KALRN: variants seen among roughly 807,000 people sequenced by gnomAD.
The protein encoded by KALRN is kalirin RhoGEF kinase.
KALRN carries 70 observed loss-of-function variants against 353.7 expected under a neutral mutation model. The ratio of observed to expected loss-of-function variants is 0.20; its 90% CI spans 0.16 to 0.24. The LOEUF (loss-of-function observed/expected upper bound fraction) is 0.24, where lower values mean the gene tolerates loss of function less well. KALRN is among the 10% of genes least tolerant of loss of function. KALRN has a pLI of 1.00. For missense variants in KALRN, 2,791 were observed against 3,756.7 expected, an observed-to-expected ratio of 0.74 and a Z score of 6.72; for synonymous variants, 1,391 against 1,434.8, an observed-to-expected ratio of 0.97 and a Z score of 0.69.
At chr3:124,656,329 G>A (rs953696246) in intron 39 of KALRN, among the ~76,000 whole-genome samples, 2 of 152,128 alleles carry the variant, frequency 1.3e-5, no homozygotes, top group Admixed American at 6.5e-5. Flanking sequence ...AAAAGTTCTC[G>A]GCCGGGTGCG....
intron 33 of KALRN, among the ~76,000 whole-genome samples, chr3:124,551,580 T>A (rs1432247742): frequency 6.6e-6 from 1 of 152,200 alleles, no homozygotes; most frequent in African/African-American, 2.4e-5. Flanking sequence ...TGTTATTGAC[T>A]GTTGCAGCCA....
intron 1 of KALRN, chr3:124,094,693 T>G: frequency 1.4e-6 from 1 of 700,410 alleles, no homozygotes; most frequent in South Asian, 1.6e-5. Context: ...GTGGGAGGAC[T>G]GGTGGCTGTC....
intron 1 of KALRN, among the ~76,000 whole-genome samples, chr3:124,178,273 C>T (rs1460690401): frequency 6.6e-6 from 1 of 152,190 alleles, no homozygotes; most frequent in Non-Finnish European, 1.5e-5. Flanking sequence ...CTGTTTTATC[C>T]TCTATATTCA....
intron 37 of KALRN, among the ~76,000 whole-genome samples, chr3:124,646,185 C>G (rs1163639542): frequency 6.6e-6 from 1 of 152,040 alleles, no homozygotes; most frequent in Non-Finnish European, 1.5e-5. Context: ...GATCTCTTCC[C>G]AAGTTACATA....
chr3:124,371,789 G>A (rs2085873823), intron 10 of KALRN, among the ~76,000 whole-genome samples: 1 of 152,142 alleles, frequency 6.6e-6, no homozygotes, highest in Non-Finnish European at 1.5e-5. Flanking sequence ...TAGCCTCTAA[G>A]TTACAATCTA....
At chr3:124,650,564 A>G (rs898299755) in intron 37 of KALRN, among the ~76,000 whole-genome samples, 14 of 152,276 alleles carry the variant, frequency 9.2e-5, no homozygotes, top group African/African-American at 3.1e-4. Context: ...CAATTTCATT[A>G]TGTCTGGGAA....
At chr3:124,451,585 T>C (rs555245540) in intron 21 of KALRN, among the ~76,000 whole-genome samples, 4 of 152,162 alleles carry the variant, frequency 2.6e-5, no homozygotes, top group Non-Finnish European at 5.9e-5. Context: ...GGAGGAAAGA[T>C]TTGAGTTTCA....
intron 41 of KALRN, 116 bp downstream of exon 41, chr3:124,657,919 C>T (rs2084281923): frequency 1.3e-6 from 1 of 765,398 alleles, no homozygotes; most frequent in Admixed American, 2.2e-5. Flanking sequence ...TTTAGGAGGC[C>T]AAGGTGGGAG....
At chr3:124,137,817 G>A (rs899645313) in intron 1 of KALRN, among the ~76,000 whole-genome samples, 1 of 152,154 alleles carries the variant, frequency 6.6e-6, no homozygotes, top group African/African-American at 2.4e-5. Flanking sequence ...TGGGTCGGAT[G>A]CAGGGAGATG....
intron 1 of KALRN, among the ~76,000 whole-genome samples, chr3:124,086,705 T>C (rs1230041512): frequency 2.0e-5 from 3 of 152,326 alleles, no homozygotes; most frequent in Non-Finnish European, 1.5e-5. Context: ...GAAAATATAA[T>C]GTACTCACAG....
intron 3 of KALRN, among the ~76,000 whole-genome samples, chr3:124,242,368 G>A (rs191914650): frequency 1.3e-5 from 2 of 152,356 alleles, no homozygotes; most frequent in East Asian, 1.9e-4. Flanking sequence ...GTAGAGAGAT[G>A]AAGTACTTGC....
intron 55 of KALRN, 25 bp from the exon 56 acceptor site, chr3:124,699,844 C>T (rs751724521): frequency 6.2e-7 from 1 of 1,612,388 alleles, no homozygotes; most frequent in Non-Finnish European, 8.5e-7. Context: ...TTTCTCTTTC[C>T]CTCTCCTGGG....
At chr3:124,212,657 G>GTAT (rs957593813) in intron 1 of KALRN, among the ~76,000 whole-genome samples, 2 of 151,900 alleles carry the variant, frequency 1.3e-5, no homozygotes, top group African/African-American at 2.4e-5. Flanking sequence ...CTAGATCACT[G>GTAT]TATTATTATT....
intron 1 of KALRN, among the ~76,000 whole-genome samples, chr3:124,127,471 A>G (rs1385544641): frequency 3.3e-5 from 5 of 152,114 alleles, no homozygotes; most frequent in African/African-American, 7.2e-5. Context: ...CCCCTTCTCA[A>G]TCTGACCCCA....
chr3:124,503,302 G>A (rs1291162564), intron 33 of KALRN, among the ~76,000 whole-genome samples: 2 of 151,978 alleles, frequency 1.3e-5, no homozygotes, highest in Non-Finnish European at 2.9e-5. Flanking sequence ...GCGTAATCTC[G>A]AGTCTCAGTC....
chr3:124,622,938 T>A (rs931527058), intron 34 of KALRN, among the ~76,000 whole-genome samples: 1 of 151,996 alleles, frequency 6.6e-6, no homozygotes, highest in Admixed American at 6.6e-5. Flanking sequence ...GCATTTTTTT[T>A]AGGTGTAACA....
chr3:124,068,591 G>C (rs1376287172), intron 1 of KALRN, among the ~76,000 whole-genome samples: 1 of 152,184 alleles, frequency 6.6e-6, no homozygotes, highest in Non-Finnish European at 1.5e-5. Flanking sequence ...ATAAGAGGCA[G>C]CTAGTACAAA....
At chr3:124,297,085 C>T (rs1415765307) in intron 5 of KALRN, among the ~76,000 whole-genome samples, 1 of 151,570 alleles carries the variant, frequency 6.6e-6, no homozygotes, top group African/African-American at 2.4e-5. Context: ...GCCACTAATA[C>T]TCAAGAACCA....
chr3:124,262,825 A>G (rs1448763952), intron 3 of KALRN, among the ~76,000 whole-genome samples: 2 of 152,244 alleles, frequency 1.3e-5, no homozygotes, highest in Non-Finnish European at 2.9e-5. Context: ...AGCAACTGAT[A>G]TGTGGTAGGC....
Sources: gnomAD v4.1 joint callset for allele counts (sites outside exome capture counted in the v4.1 genomes callset) on GRCh38, gnomAD v4.1.1 for gene constraint, MANE v1.5 for transcripts, NCBI Gene and HGNC (gene_info 2026-07-23, HGNC 2026-07-21) for gene names.